Variants in BMPER observed in about 807,000 individuals in gnomAD.
The protein encoded by BMPER is BMP binding endothelial regulator.
Under a neutral mutation model 87.3 loss-of-function variants are expected in BMPER, and 45 were observed. The observed-to-expected ratio is 0.52, with a 90% CI of 0.41 to 0.66. The LOEUF (loss-of-function observed/expected upper bound fraction) is 0.66, where lower values mean the gene tolerates loss of function less well. Ranked by LOEUF, BMPER falls within the 30% of genes least tolerant of loss-of-function variation. The pLI is 0.00. For missense variants in BMPER, 784 were observed against 867.5 expected (o/e 0.90, Z 1.21); for synonymous variants, 326 against 316.2 (o/e 1.03, Z -0.33).
chr7:33,932,165 A>G (rs1426964712), intron 2 of BMPER, among the ~76,000 whole-genome samples: 1 of 152,172 alleles, frequency 6.6e-6, no homozygotes, highest in Non-Finnish European at 1.5e-5. Flanking sequence ...GAAATTGGCT[A>G]TTTGGGATGA....
intron 13 of BMPER, among the ~76,000 whole-genome samples, chr7:34,101,074 A>G (rs1185959173): frequency 2.0e-5 from 3 of 152,172 alleles, no homozygotes; most frequent in Non-Finnish European, 4.4e-5. Flanking sequence ...TACACACTAA[A>G]GTTTGAGAAG....
intron 6 of BMPER, among the ~76,000 whole-genome samples, chr7:34,035,479 G>C (rs569872540): frequency 5.9e-5 from 9 of 152,288 alleles, no homozygotes; most frequent in Non-Finnish European, 1.2e-4. Flanking sequence ...TCCGTAGTGT[G>C]CTCAGGCATA....
At chr7:34,056,607 T>G (rs578189664) in intron 9 of BMPER, among the ~76,000 whole-genome samples, 3 of 149,504 alleles carry the variant, frequency 2.0e-5, no homozygotes, top group African/African-American at 7.4e-5. Context: ...TGGTGCTGTG[T>G]GCAATGCACT....
intron 3 of BMPER, among the ~76,000 whole-genome samples, chr7:33,944,292 A>G (rs1784830703): frequency 6.6e-6 from 1 of 151,980 alleles, no homozygotes; most frequent in African/African-American, 2.4e-5. Context: ...CAGCCTCCCA[A>G]GTAGCTGGGA....
At position 33,907,276 on chromosome 7, in the gene BMPER, T is replaced by G. The variant is rs557260751; in HGVS notation, c.219+373T>G. ...CTGTCATTTAAGCTCAGTGGGAAAA[T>G]GATGAGATAAGATTTAAGTATGAAG... On this transcript the variant is annotated intron_variant, in intron 2 of 14. Transcript: ENST00000649409. Among the ~76,000 whole-genome samples the G allele has an allele frequency of 2.0e-5, 3 of 151,978 alleles. No individual in the cohort carries two copies. The East Asian group carries it at 5.8e-4, about 29-fold the overall frequency.
At chr7:34,099,819 A>G (rs1259491230) in intron 13 of BMPER, among the ~76,000 whole-genome samples, 2 of 151,992 alleles carry the variant, frequency 1.3e-5, no homozygotes, top group African/African-American at 2.4e-5. Context: ...TTTTTTTCAC[A>G]TCTTGCTTAA....
intron 6 of BMPER, among the ~76,000 whole-genome samples, chr7:34,034,853 C>T (rs1244935627): frequency 6.6e-6 from 1 of 152,100 alleles, no homozygotes; most frequent in Non-Finnish European, 1.5e-5. Flanking sequence ...AGGTGATTCT[C>T]TTGTTGTTCA....
chr7:34,105,059 G>T (rs555898630), intron 13 of BMPER, among the ~76,000 whole-genome samples: 1 of 152,306 alleles, frequency 6.6e-6, no homozygotes, highest in East Asian at 1.9e-4. Context: ...GGAATGTGTG[G>T]TGTGTGTGAG....
intron 11 of BMPER, among the ~76,000 whole-genome samples, chr7:34,070,412 A>G (rs1788707073): frequency 6.6e-6 from 1 of 151,900 alleles, no homozygotes; most frequent in Admixed American, 6.6e-5. Context: ...GGTTTGCTTG[A>G]TTGTCTTTTT....
intron 6 of BMPER, among the ~76,000 whole-genome samples, chr7:33,979,502 A>G (rs1380619666): frequency 6.6e-6 from 1 of 151,888 alleles, no homozygotes; most frequent in Non-Finnish European, 1.5e-5. Flanking sequence ...GGCGCTCAGC[A>G]ATGTTGGCAC....
intron 3 of BMPER, among the ~76,000 whole-genome samples, chr7:33,947,818 C>T (rs948836274): frequency 2.6e-5 from 4 of 151,842 alleles, no homozygotes; most frequent in African/African-American, 9.7e-5. Flanking sequence ...GGGACCTCTC[C>T]TCAGTGCTGC....
intron 13 of BMPER, among the ~76,000 whole-genome samples, chr7:34,094,543 C>T (rs544591351): frequency 2.0e-5 from 3 of 152,346 alleles, no homozygotes; most frequent in African/African-American, 7.2e-5. Context: ...GCCATGACTG[C>T]TGCTTTTAGA....
chr7:34,046,421 C>T lies in BMPER; in HGVS notation c.676+16C>T, dbSNP rs1231533243. ...AAATGTTTGGGTGAGTTACTATTTT[C>T]AGGTCAAAGAACAATGTAATTTCTT... On this transcript the variant is annotated intron_variant, in intron 7 of 14. Transcript: ENST00000649409. 1.2e-6 allele frequency: 2 copies of T among 1,603,000 alleles called. No homozygotes were observed. Among genetic ancestry groups the T allele is most frequent in the East Asian group, 2.2e-5 (1 of 44,826 alleles).
At chr7:33,919,919 G>A (rs987419449) in intron 2 of BMPER, among the ~76,000 whole-genome samples, 1 of 77,458 alleles carries the variant, frequency 1.3e-5, no homozygotes, top group African/African-American at 5.6e-5. Flanking sequence ...ATGTATCTGT[G>A]TACATATCTA....
chr7:34,001,653 G>GT (rs1013337054), intron 6 of BMPER, among the ~76,000 whole-genome samples: 8 of 148,022 alleles, frequency 5.4e-5, no homozygotes, highest in Admixed American at 4.7e-4. Flanking sequence ...ATCGAATTCT[G>GT]TTTTTCTATT....
intron 6 of BMPER, among the ~76,000 whole-genome samples, chr7:33,982,124 T>A (rs898857876): frequency 7.2e-5 from 11 of 152,210 alleles, no homozygotes; most frequent in Admixed American, 5.2e-4. Context: ...AAGAGATGCC[T>A]CATCATTTCT....
rs747654032 is a variant in BMPER at position 34,055,287 on chromosome 7, G to T, written c.911G>T (p.Gly304Val). ...GAAGACATCAAAGTATGCAAATTTG[G>T]CAACAAGATTTTCCAGGTATGTCAT... The part of the protein sequence containing the change: ...PPEDIKVCKF[G>V]NKIFQDGEMW... The change falls in exon 9 of 15, where the codon GGC (glycine) becomes GTC (valine). Residue 304 changes from glycine (G) to valine (V), a missense_variant. Physicochemically the swap from Gly to Val is moderately radical, Grantham distance 109. Transcript: ENST00000649409. 1.2e-6 allele frequency: 2 copies of T among 1,613,994 alleles called. No homozygotes were observed. The highest frequency in any genetic ancestry group is 1.7e-6 in the Non-Finnish European group (2 of 1,179,994).
intron 6 of BMPER, among the ~76,000 whole-genome samples, chr7:33,991,305 G>C (rs1230501222): frequency 6.6e-6 from 1 of 151,860 alleles, no homozygotes; most frequent in Non-Finnish European, 1.5e-5. Context: ...CCTGTTATTG[G>C]TCTATTCAGA....
chr7:34,153,099 G>A lies in BMPER; in HGVS notation c.1884G>A (p.Gln628=), dbSNP rs1791222805. The A allele has an allele frequency of 2.5e-6, 4 of 1,614,014 alleles. No homozygotes were observed. The Middle Eastern group carries it at 4.9e-4, about 200-fold the overall frequency. The stretch of plus-strand genomic sequence containing the variant: ...TCTCCTTCTCTTTTTCAGCCACCCA[G>A]TGTAAGCATGGTGCTGTGTACGATA... The part of the protein sequence containing the change: ...WEPQQNCAAT[Q]CKHGAVYDTC... Residue 628 remains glutamine (Q), a synonymous_variant, in exon 15 of 15, where the codon CAG becomes CAA. Transcript: ENST00000649409.
Sources: allele counts gnomAD v4.1 joint callset (sites outside exome capture counted in the v4.1 genomes callset), GRCh38; gene constraint gnomAD v4.1.1; transcripts MANE v1.5; gene names NCBI Gene and HGNC (gene_info 2026-07-23, HGNC 2026-07-21).